The following ABCA12 variants were observed in gnomAD, a reference collection of about 807,000 sequenced individuals.
The protein encoded by ABCA12 is ATP binding cassette subfamily A member 12.
A neutral mutation model predicts 293.5 loss-of-function variants in ABCA12; 156 were observed. The observed-to-expected ratio is 0.53, with a 90% CI of 0.47 to 0.61. ABCA12 has a LOEUF of 0.61. Ranked by LOEUF, ABCA12 falls within the 20% of genes least tolerant of loss-of-function variation. The pLI is 0.00. For synonymous variants in ABCA12, 1,063 were observed against 1,108.0 expected (o/e 0.96, Z 0.81); for missense variants, 2,797 against 3,090.2 (o/e 0.91, Z 2.25).
chr2:214,952,826 T>C (rs1411813626), intron 44 of ABCA12, among the ~76,000 whole-genome samples: 2 of 152,246 alleles, frequency 1.3e-5, no homozygotes, highest in Non-Finnish European at 2.9e-5. Flanking sequence ...ATTACATTTA[T>C]TCTGTTCTGA....
intron 48 of ABCA12, 88 bp from the exon 49 acceptor site, chr2:214,945,192 G>T (rs1698544460): frequency 9.5e-7 from 1 of 1,054,456 alleles, no homozygotes; most frequent in Admixed American, 2.0e-5. Context: ...CACTTCCCTA[G>T]AACAGAAATA....
chr2:215,025,565 A>C, intron 11 of ABCA12, 108 bp downstream of exon 11: 3 of 741,638 alleles, frequency 4.0e-6, no homozygotes, highest in Non-Finnish European at 6.6e-6. Context: ...AAAACTTAAA[A>C]GTGTATCTTG....
Position 214,947,909 on chromosome 2 carries a change from T to A in ABCA12, c.7105-353A>T, listed in dbSNP as rs1342250527. On this transcript the variant is annotated intron_variant, in intron 47 of 52. Transcript: ENST00000272895. ...AGAATTCACAAGACAGGATTCTCAC[T>A]GACTGTTACCCCTGCGTCCTCTTTC... 1.3e-5 allele frequency: 4 copies of A among 319,386 alleles called. No homozygotes were observed. The Admixed American group carries it at 1.7e-4, about 14-fold the overall frequency. 19.8% of individuals were successfully genotyped at this position (319,386 alleles called of 1,614,324 possible). A position where few individuals can be genotyped will look rare whatever the true frequency, so the allele number is the denominator to read the frequency against.
At position 214,982,382 on chromosome 2, in the gene ABCA12, T is replaced by C. The variant is rs1199440244; in HGVS notation, c.4384A>G (p.Thr1462Ala). 6.2e-7 allele frequency: 1 copy of C among 1,613,096 alleles called. No homozygotes were observed. Among genetic ancestry groups the C allele is most frequent in the Admixed American group, 1.7e-5 (1 of 60,000 alleles). The change falls in exon 30 of 53, where the codon ACT becomes GCT. Residue 1462 changes from threonine (T) to alanine (A), a missense_variant and splice_region_variant. Transcript: ENST00000272895. Reference protein sequence around the residue: ...KKQLHEEVKRTLKDTGLYSHR... With the variant: ...KKQLHEEVKRALKDTGLYSHR... ...CTATATAGTCCAGTATCTTTTAAAG[T>C]CCTTCAAAAATAATGTATGATGGTT... is the stretch of plus-strand genomic sequence containing the variant.
rs1228927668 is a variant in ABCA12 at position 215,030,681 on chromosome 2, T to G, written c.1061+1140A>C. ...TGAAATTGCCTAAGGGCTTGGTTGC[T>G]CTGGGAGAAGCACCTGGGTCAGCCA... On this transcript the variant is annotated intron_variant, in intron 9 of 52. Coordinates refer to ENST00000272895, the MANE Select transcript of ABCA12 (RefSeq NM_173076.3). Among the ~76,000 whole-genome samples the G allele has an allele frequency of 2.6e-5, 4 of 151,684 alleles. No homozygotes were observed. The East Asian group carries it at 7.8e-4, about 29-fold the overall frequency.
At chr2:215,030,553 G>A (rs1169115079) in intron 9 of ABCA12, among the ~76,000 whole-genome samples, 1 of 151,272 alleles carries the variant, frequency 6.6e-6, no homozygotes, top group Non-Finnish European at 1.5e-5. Flanking sequence ...GCAGTGAGCC[G>A]AGATGGCGCC....
intron 1 of ABCA12, among the ~76,000 whole-genome samples, chr2:215,118,353 G>T (rs1290688631): frequency 1.3e-5 from 2 of 152,122 alleles, no homozygotes; most frequent in East Asian, 3.9e-4. Context: ...AGCGAGCCGA[G>T]ATCTTGCCAC....
intron 1 of ABCA12, among the ~76,000 whole-genome samples, chr2:215,119,460 C>A (rs1349875479): frequency 6.6e-6 from 1 of 152,044 alleles, no homozygotes; most frequent in Admixed American, 6.6e-5. Flanking sequence ...AGTCTCTAAT[C>A]CATCTTGAGT....
At chr2:215,135,512 A>G (rs1703206372) in intron 1 of ABCA12, among the ~76,000 whole-genome samples, 1 of 152,186 alleles carries the variant, frequency 6.6e-6, no homozygotes. Context: ...AGGACTATAA[A>G]TTTCCTGTGT....
At chr2:214,974,126 G>T in intron 35 of ABCA12, 84 bp from the exon 36 acceptor site, 1 of 1,231,492 alleles carries the variant, frequency 8.1e-7, no homozygotes, top group East Asian at 2.4e-5. Flanking sequence ...CAAGTATTTG[G>T]TATTAAGTTC....
At chr2:214,954,663 A>G (rs1462758197) in intron 43 of ABCA12, among the ~76,000 whole-genome samples, 2 of 152,044 alleles carry the variant, frequency 1.3e-5, no homozygotes, top group African/African-American at 4.8e-5. Context: ...AGTTCACTTC[A>G]TTTCCTCTCT....
rs529556592 is a variant in ABCA12, at chr2:215,134,605, A to C, written c.69+3535T>G. On this transcript the variant is annotated intron_variant, in intron 1 of 52. Transcript: ENST00000272895. The stretch of plus-strand genomic sequence containing the variant: ...TCTCTCTCTCTCTCTCTCTCTATAT[A>C]TATATATATATAGAGAGAGAGAGAG... Among the ~76,000 whole-genome samples the C allele has an allele frequency of 6.2e-3, 588 of 94,680 alleles. 40 individuals carry two copies. Among genetic ancestry groups the C allele is most frequent in the African/African-American group, 7.8e-3 (132 of 16,954 alleles). The allele number at this position is 94,680 out of a possible 152,430, so 62.1% of individuals were successfully genotyped here. A position where few individuals can be genotyped will look rare whatever the true frequency, so the allele number is the denominator to read the frequency against.
At chr2:215,077,613 T>C (rs1340466965) in intron 2 of ABCA12, among the ~76,000 whole-genome samples, 1 of 152,194 alleles carries the variant, frequency 6.6e-6, no homozygotes, top group Admixed American at 6.5e-5. Flanking sequence ...TGCTATTGTG[T>C]TTACTCCATT....
intron 36 of ABCA12, among the ~76,000 whole-genome samples, 160 bp from the exon 37 acceptor site, chr2:214,970,560 A>T (rs1490619373): frequency 6.6e-6 from 1 of 152,144 alleles, no homozygotes; most frequent in African/African-American, 2.4e-5. Flanking sequence ...AAAAGAAGTC[A>T]TCTCACCTAC....
Position 214,932,492 on chromosome 2 carries a change from G to A in ABCA12, c.*142C>T. 1 of 717,362 alleles carries A rather than the reference G, an allele frequency of 1.4e-6. No homozygotes were observed. The highest frequency in any genetic ancestry group is 2.4e-6 in the Non-Finnish European group (1 of 419,002). 44.4% of individuals were successfully genotyped at this position (717,362 alleles called of 1,614,324 possible). A position where few individuals can be genotyped will look rare whatever the true frequency, so the allele number is the denominator to read the frequency against. The stretch of plus-strand genomic sequence containing the variant: ...GAAAAATTTCCTTTTATAATTACTT[G>A]TTAGTCTAACACAGTTGTAACTTTC... On this transcript the variant is annotated 3_prime_UTR_variant, in exon 53 of 53. Coordinates refer to ENST00000272895, the MANE Select transcript of ABCA12 (RefSeq NM_173076.3).
chr2:215,136,381 GA>G (rs1453667872), intron 1 of ABCA12, among the ~76,000 whole-genome samples: 1 of 151,256 alleles, frequency 6.6e-6, no homozygotes, highest in Admixed American at 6.6e-5. Flanking sequence ...TCAAAATGAG[GA>G]AAAAAATTTG....
Position 214,953,911 on chromosome 2 carries a change from C to T in ABCA12, c.6590G>A (p.Gly2197Asp), listed in dbSNP as rs1191676246. 6.2e-7 allele frequency: 1 copy of T among 1,613,820 alleles called. No individual in the cohort carries two copies. Among genetic ancestry groups the T allele is most frequent in the Non-Finnish European group, 8.5e-7 (1 of 1,179,960 alleles). The change falls in exon 44 of 53, where the codon GGC (glycine) becomes GAC (aspartate). Residue 2197 changes from glycine to aspartate, a missense_variant. Gly to Asp is a moderately conservative substitution (Grantham distance 94). Transcript: ENST00000272895. The stretch of plus-strand genomic sequence containing the variant: ...GAGTCGCAAGGAAAAAAACATGGTG[C>T]CCTGAGAAACCAAAGCCACAAACAT... ...GAMFVALVSQ[G>D]TMFFSLRLLI...
At chr2:214,991,994 C>T (rs1442369681) in intron 23 of ABCA12, among the ~76,000 whole-genome samples, 2 of 152,104 alleles carry the variant, frequency 1.3e-5, no homozygotes, top group Non-Finnish European at 1.5e-5. Context: ...GACAAACCTA[C>T]ACGCTGTGCA....
intron 52 of ABCA12, 141 bp downstream of exon 52, chr2:214,933,937 C>T: frequency 1.2e-6 from 1 of 831,722 alleles, no homozygotes; most frequent in Non-Finnish European, 1.9e-6. Flanking sequence ...ATTGATTAGG[C>T]TCTTTGCTAA....
Sources: allele counts gnomAD v4.1 joint callset (sites outside exome capture counted in the v4.1 genomes callset), GRCh38; gene constraint gnomAD v4.1.1; transcripts MANE v1.5; gene names NCBI Gene and HGNC (gene_info 2026-07-23, HGNC 2026-07-21).